SLC27A6: variants seen among roughly 807,000 people sequenced by gnomAD.
SLC27A6 encodes solute carrier family 27 member 6.
In SLC27A6, 74 loss-of-function variants were observed where a neutral mutation model predicts 63.9. The observed-to-expected ratio is 1.16, with a 90% confidence interval of 0.96 to 1.40. The LOEUF is 1.40. Ranked by LOEUF, SLC27A6 falls within the 40% of genes most tolerant of loss-of-function variation. The pLI is 0.00. For missense variants in SLC27A6, 794 were observed against 732.9 expected (o/e 1.08, Z -0.96); for synonymous variants, 287 against 260.8 (o/e 1.10, Z -0.97).
intron 4 of SLC27A6, among the ~76,000 whole-genome samples, chr5:128,994,054 G>C (rs1472539542): frequency 1.3e-5 from 2 of 152,078 alleles, no homozygotes; most frequent in African/African-American, 4.8e-5. Flanking sequence ...TGTAATCCCA[G>C]CTACTCGGGA....
At chr5:129,028,205 T>C in intron 7 of SLC27A6, 140 bp from the exon 8 acceptor site, 1 of 585,220 alleles carries the variant, frequency 1.7e-6, no homozygotes, top group Non-Finnish European at 3.0e-6. Flanking sequence ...TTCTTAGAAA[T>C]GCCTTTCATC....
At chr5:128,980,559 CTACT>C (rs1001585627) in intron 1 of SLC27A6, among the ~76,000 whole-genome samples, 1 of 152,114 alleles carries the variant, frequency 6.6e-6, no homozygotes, top group Non-Finnish European at 1.5e-5. Context: ...ATAATTTTGC[CTACT>C]TAATCATCAA....
In SLC27A6 at chr5:128,990,424, A is replaced by G. The variant is rs745975828; in HGVS notation, c.929A>G (p.Tyr310Cys). The G allele has an allele frequency of 6.2e-6, 10 of 1,613,654 alleles. No homozygotes were observed. In the East Asian group the frequency reaches 2.0e-4, roughly 32 times the overall value. The change falls in exon 4 of 10, where the codon TAT (tyrosine) becomes TGT (cysteine). Residue 310 changes from tyrosine (Y) to cysteine (C), a missense_variant. By Grantham distance (194) the Tyr-to-Cys change is radical. Transcript: ENST00000262462. ...AAGTATGATGTGACTGTGTTTCAGTATATTGGAGAACTTTGTCGCTACCTT... is the reference window on the plus strand; with the variant it reads ...AAGTATGATGTGACTGTGTTTCAGTGTATTGGAGAACTTTGTCGCTACCTT... ...CKKYDVTVFQYIGELCRYLCK... is the reference protein window; with the variant it reads ...CKKYDVTVFQCIGELCRYLCK...
At chr5:128,975,342 C>T (rs771795369) in intron 1 of SLC27A6, among the ~76,000 whole-genome samples, 4 of 152,260 alleles carry the variant, frequency 2.6e-5, no homozygotes, top group East Asian at 1.9e-4. Flanking sequence ...TAGAGTGAGA[C>T]TCCAAAAAAC....
chr5:129,000,255 A>G (rs1300626404), intron 4 of SLC27A6, among the ~76,000 whole-genome samples: 1 of 152,108 alleles, frequency 6.6e-6, no homozygotes, highest in Non-Finnish European at 1.5e-5. Context: ...TTATAATTCC[A>G]TTACATATTT....
At chr5:128,997,986 A>T (rs1751213612) in intron 4 of SLC27A6, among the ~76,000 whole-genome samples, 1 of 152,136 alleles carries the variant, frequency 6.6e-6, no homozygotes, top group Non-Finnish European at 1.5e-5. Flanking sequence ...GAAGGATTTT[A>T]AACAAAATGT....
intron 5 of SLC27A6, among the ~76,000 whole-genome samples, chr5:129,018,904 C>G (rs1429432563): frequency 6.6e-6 from 1 of 152,062 alleles, no homozygotes; most frequent in African/African-American, 2.4e-5. Flanking sequence ...GACTTCTAGT[C>G]TGTCTTTTAT....
intron 2 of SLC27A6, 48 bp from the exon 3 acceptor site, chr5:128,988,552 T>C (rs752515906): frequency 1.4e-6 from 2 of 1,461,110 alleles, no homozygotes; most frequent in South Asian, 1.2e-5. Context: ...CATATGTATA[T>C]GTATGTATGT....
intron 5 of SLC27A6, among the ~76,000 whole-genome samples, chr5:129,023,163 C>CTT (rs1003191004): frequency 9.5e-5 from 14 of 147,500 alleles, no homozygotes; most frequent in African/African-American, 3.2e-4. Context: ...TGTGTTTTGA[C>CTT]TTTTTTTTTT....
chr5:129,017,523 G>A (rs1751942877), intron 5 of SLC27A6, among the ~76,000 whole-genome samples: 1 of 151,948 alleles, frequency 6.6e-6, no homozygotes, highest in Non-Finnish European at 1.5e-5. Context: ...GAAATAAAAG[G>A]AAGGAAATAA....
At chr5:128,973,398 C>A (rs1199072222) in intron 1 of SLC27A6, among the ~76,000 whole-genome samples, 1 of 152,242 alleles carries the variant, frequency 6.6e-6, no homozygotes, top group Non-Finnish European at 1.5e-5. Context: ...CAGAGGCACA[C>A]AGCCCGGTTT....
chr5:128,967,191 C>T (rs1026154859), intron 1 of SLC27A6, among the ~76,000 whole-genome samples: 3 of 150,920 alleles, frequency 2.0e-5, no homozygotes, highest in Non-Finnish European at 2.9e-5. Flanking sequence ...TTCTTCTTAT[C>T]CTTCCATGCA....
chr5:128,979,512 AAT>A (rs1750510820), intron 1 of SLC27A6, among the ~76,000 whole-genome samples: 1 of 152,120 alleles, frequency 6.6e-6, no homozygotes, highest in Non-Finnish European at 1.5e-5. Context: ...TTTACTTACT[AAT>A]GAGTCTGTCT....
At chr5:128,975,113 G>A (rs532549625) in intron 1 of SLC27A6, among the ~76,000 whole-genome samples, 12 of 152,312 alleles carry the variant, frequency 7.9e-5, no homozygotes, top group African/African-American at 2.9e-4. Context: ...CACTTTGGGA[G>A]GCTGAGGCAG....
chr5:129,000,992 C>T (rs1312928672), intron 4 of SLC27A6, among the ~76,000 whole-genome samples: 1 of 152,126 alleles, frequency 6.6e-6, no homozygotes, highest in African/African-American at 2.4e-5. Flanking sequence ...TGAAGTAAGC[C>T]GACTTTGTGC....
Position 128,981,803 on chromosome 5 carries a change from C to CTTTCTTTTCTTTTCT in SLC27A6, c.482-3326_482-3312dup, listed in dbSNP as rs145278558. Among the ~76,000 whole-genome samples the CTTTCTTTTCTTTTCT allele has an allele frequency of 8.7e-4, 127 of 146,386 alleles. 2 individuals carry two copies. Among genetic ancestry groups the CTTTCTTTTCTTTTCT allele is most frequent in the Middle Eastern group, 3.6e-3 (1 of 274 alleles). ...TAAAGGACATGAAAAGAGTTTTTTT[C>CTTTCTTTTCTTTTCT]TTTCTTTTCTTTTCTTTTTTTTTTT... On this transcript the variant is annotated intron_variant, in intron 1 of 9. Coordinates refer to ENST00000262462, the MANE Select transcript of SLC27A6 (RefSeq NM_001017372.3).
At position 128,973,962 on chromosome 5, in the gene SLC27A6, G is replaced by A. The variant is rs928280320; in HGVS notation, c.481+7344G>A. On this transcript the variant is annotated intron_variant, in intron 1 of 9. Transcript: ENST00000262462. ...CTCATTTTAATCTTGTTTTCATTAC[G>A]GGAGGAAAGGGTCTAGGAGCAAATG... 8.5e-5 allele frequency among the ~76,000 whole-genome samples: 13 copies of A among 152,284 alleles called. No homozygotes were observed. In the South Asian group the frequency reaches 2.7e-3, roughly 32 times the overall value.
chr5:129,006,191 G>T (rs1251771241), intron 4 of SLC27A6, among the ~76,000 whole-genome samples: 2 of 145,524 alleles, frequency 1.4e-5, no homozygotes, highest in African/African-American at 5.1e-5. Context: ...CCATTCTCCC[G>T]CCTCAGCCTC....
chr5:128,973,231 A>T (rs1750252802), intron 1 of SLC27A6, among the ~76,000 whole-genome samples: 2 of 152,086 alleles, frequency 1.3e-5, no homozygotes. Flanking sequence ...TGGGTCAGGG[A>T]CCCACTTGAG....
Sources: gnomAD v4.1 joint callset for allele counts (sites outside exome capture counted in the v4.1 genomes callset) on GRCh38, gnomAD v4.1.1 for gene constraint, MANE v1.5 for transcripts, NCBI Gene and HGNC (gene_info 2026-07-23, HGNC 2026-07-21) for gene names.